The following WDPCP variants were observed in gnomAD, a reference collection of about 807,000 sequenced individuals.
The protein encoded by WDPCP is WD repeat containing planar cell polarity effector.
WDPCP carries 71 observed loss-of-function variants against 93.1 expected under a neutral mutation model. The ratio of observed to expected loss-of-function variants is 0.76; its 90% CI spans 0.63 to 0.93. The LOEUF is 0.93. WDPCP is among the 40% of genes least tolerant of loss of function. The pLI, the probability that WDPCP is intolerant of heterozygous loss-of-function variation, is 0.00. For missense variants in WDPCP, 844 were observed against 887.4 expected, an observed-to-expected ratio of 0.95 and a Z score of 0.62; for synonymous variants, 315 against 315.0, an observed-to-expected ratio of 1.00 and a Z score of 0.00.
chr2:63,178,165 G>A (rs906699765), intron 14 of WDPCP, among the ~76,000 whole-genome samples: 2 of 152,116 alleles, frequency 1.3e-5, no homozygotes, highest in Admixed American at 6.6e-5. Context: ...TATCAAGAAC[G>A]TTGGTCTGTA....
intron 1 of WDPCP, among the ~76,000 whole-genome samples, chr2:63,582,171 T>A (rs1370843153): frequency 1.3e-5 from 2 of 152,088 alleles, no homozygotes; most frequent in African/African-American, 4.8e-5. Context: ...ACAATGATTA[T>A]AACTGTATTC....
chr2:63,605,743 A>T, intron 3 of WDPCP: 1 of 608,376 alleles, frequency 1.6e-6, no homozygotes, highest in South Asian at 2.0e-5. Flanking sequence ...TACTTCACAT[A>T]TGATATGGAA....
intron 12 of WDPCP, among the ~76,000 whole-genome samples, chr2:63,327,140 A>G (rs1393095239): frequency 3.9e-5 from 6 of 152,336 alleles, no homozygotes; most frequent in African/African-American, 1.4e-4. Context: ...CAGGCGATTA[A>G]GGGAAAAAGA....
intron 2 of WDPCP, among the ~76,000 whole-genome samples, chr2:63,687,769 A>G (rs1668828809): frequency 6.6e-6 from 1 of 151,968 alleles, no homozygotes; most frequent in South Asian, 2.1e-4. Flanking sequence ...TATGGAGAAC[A>G]GTTTGGAGGT....
At chr2:63,614,854 C>A (rs1017493805) in intron 3 of WDPCP, among the ~76,000 whole-genome samples, 3 of 152,202 alleles carry the variant, frequency 2.0e-5, no homozygotes, top group Non-Finnish European at 4.4e-5. Flanking sequence ...ACCATTAGAT[C>A]ATACCCTGTA....
chr2:63,635,516 A>G (rs1168627418), intron 3 of WDPCP, among the ~76,000 whole-genome samples: 1 of 152,146 alleles, frequency 6.6e-6, no homozygotes, highest in Non-Finnish European at 1.5e-5. Flanking sequence ...AAAAGAATCA[A>G]ACACCATAAT....
intron 3 of WDPCP, among the ~76,000 whole-genome samples, chr2:63,632,807 T>G (rs1381705120): frequency 6.6e-6 from 1 of 152,168 alleles, no homozygotes; most frequent in Non-Finnish European, 1.5e-5. Context: ...AGAAAGCTTA[T>G]TGAAAGAAAT....
the WDPCP span, among the ~76,000 whole-genome samples, chr2:63,833,485 C>T: frequency 3.9e-5 from 6 of 152,146 alleles, no homozygotes; most frequent in East Asian, 3.8e-4. Flanking sequence ...CACCAATATG[C>T]GAAAACAGAA....
intron 1 of WDPCP, among the ~76,000 whole-genome samples, chr2:63,525,002 C>T (rs1703218997): frequency 6.6e-6 from 1 of 152,054 alleles, no homozygotes; most frequent in Non-Finnish European, 1.5e-5. Context: ...CCTAAAAGTT[C>T]ATCAATGGTA....
At chr2:63,588,918 C>T, upstream of WDPCP, 2 of 1,304,070 alleles carry the variant, frequency 1.5e-6, no homozygotes, top group Non-Finnish European at 2.2e-6. Context: ...GAGAGCGCCG[C>T]GTCGGGAGCG....
intron 1 of WDPCP, among the ~76,000 whole-genome samples, chr2:63,522,108 C>T (rs951965409): frequency 6.6e-6 from 1 of 151,982 alleles, no homozygotes; most frequent in South Asian, 2.1e-4. Context: ...TAGGTATACA[C>T]GTGCCATGGT....
chr2:63,325,995 C>T (rs1477624868), intron 12 of WDPCP, among the ~76,000 whole-genome samples: 2 of 152,190 alleles, frequency 1.3e-5, no homozygotes, highest in African/African-American at 4.8e-5. Context: ...AGGTTGACCT[C>T]ACTGTTTACA....
intron 13 of WDPCP, among the ~76,000 whole-genome samples, chr2:63,262,949 C>T (rs1240622044): frequency 6.6e-6 from 1 of 152,158 alleles, no homozygotes; most frequent in East Asian, 1.9e-4. Context: ...TATTATATCT[C>T]TCCCATGAAA....
chr2:63,569,386 G>C (rs2106459899), intron 1 of WDPCP, among the ~76,000 whole-genome samples: 1 of 152,322 alleles, frequency 6.6e-6, no homozygotes, highest in East Asian at 1.9e-4. Flanking sequence ...TTAAGCTGGA[G>C]AGCAGATACA....
In WDPCP at chr2:63,240,333, A is replaced by T. The variant is rs536407719; in HGVS notation, c.1915+18974T>A. On this transcript the variant is annotated intron_variant, in intron 14 of 17. Transcript: ENST00000272321. Reference sequence around the variant, plus strand: ...GCTAGGGCTGCAGGTGCGTGCCACCACCCCGAGCTAGCTTTAAAATTTTTG... The same window carrying T: ...GCTAGGGCTGCAGGTGCGTGCCACCTCCCCGAGCTAGCTTTAAAATTTTTG... Among the ~76,000 whole-genome samples the T allele has an allele frequency of 9.9e-5, 15 of 152,018 alleles. No homozygotes were observed. The East Asian group carries it at 2.5e-3, about 25-fold the overall frequency.
chr2:63,798,059 C>T (rs1670641460), intron 2 of WDPCP, among the ~76,000 whole-genome samples: 3 of 152,090 alleles, frequency 2.0e-5, no homozygotes, highest in African/African-American at 7.2e-5. Flanking sequence ...AAAACTTTTA[C>T]CCTAGAATAA....
intron 2 of WDPCP, among the ~76,000 whole-genome samples, chr2:63,708,529 C>G (rs1214151542): frequency 2.0e-5 from 3 of 152,194 alleles, no homozygotes; most frequent in Non-Finnish European, 4.4e-5. Context: ...GTCTGTCACC[C>G]CTTTCTTTGA....
chr2:63,322,067 GCTAAAGAAT>G (rs1687143982), intron 12 of WDPCP, among the ~76,000 whole-genome samples: 2 of 152,300 alleles, frequency 1.3e-5, no homozygotes, highest in South Asian at 4.1e-4. Context: ...TTTCTGTCTA[GCTAAAGAAT>G]TGTAAATGCA....
rs970021401 is a variant in WDPCP, at chr2:63,332,106, G to GTA, written c.1749-18797_1749-18796dup. On this transcript the variant is annotated intron_variant, in intron 12 of 17. Transcript: ENST00000272321. ...TACATATATATATGTGTGTGTGTGT[G>GTA]TATATATATGTATATATATATTTTT... 1.4e-4 allele frequency among the ~76,000 whole-genome samples: 21 copies of GTA among 150,248 alleles called. No homozygotes were observed. In the East Asian group the frequency reaches 1.8e-3, roughly 13 times the overall value.
Sources: allele counts gnomAD v4.1 joint callset (sites outside exome capture counted in the v4.1 genomes callset), GRCh38; gene constraint gnomAD v4.1.1; transcripts MANE v1.5; gene names NCBI Gene and HGNC (gene_info 2026-07-23, HGNC 2026-07-21).